The following SMUG1 variants were observed in gnomAD, a reference collection of about 807,000 sequenced individuals.
SMUG1 encodes the protein single-strand-selective monofunctional uracil-DNA glycosylase 1, also known as single-strand selective monofunctional uracil DNA glycosylase.
Under a neutral mutation model 23.9 loss-of-function variants are expected in SMUG1, and 13 were observed. That is an observed-to-expected ratio of 0.54 (90% CI 0.35 to 0.86). The LOEUF (loss-of-function observed/expected upper bound fraction) is 0.86. SMUG1 is among the 40% of genes least tolerant of loss of function. The pLI, the probability that SMUG1 is intolerant of heterozygous loss-of-function variation, is 0.01. For synonymous variants in SMUG1, 133 were observed against 139.8 expected (o/e 0.95, Z 0.34); for missense variants, 313 against 339.5 (o/e 0.92, Z 0.61).
At chr12:54,159,477 C>T (rs1940170137) in intron 4 of SMUG1, among the ~76,000 whole-genome samples, 1 of 152,192 alleles carries the variant, frequency 6.6e-6, no homozygotes. Flanking sequence ...CTTCTCCTCC[C>T]CAGAAATCTC....
chr12:54,188,302 AATAATAATAAT>A (rs1565844884), intron 1 of SMUG1, among the ~76,000 whole-genome samples: 8 of 94,552 alleles, frequency 8.5e-5, no homozygotes, highest in Admixed American at 3.6e-4. Context: ...AATAAATAAT[AATAATAATAAT>A]AATAATAATA....
intron 2 of SMUG1, among the ~76,000 whole-genome samples, chr12:54,186,352 T>G (rs1364697976): frequency 1.1e-4 from 11 of 103,796 alleles, no homozygotes; most frequent in Non-Finnish European, 2.0e-4. Flanking sequence ...TTTGTTTTGT[T>G]TTTTTTTTGA....
At chr12:54,160,915 C>T (rs889124848), downstream of SMUG1, among the ~76,000 whole-genome samples, 2 of 152,164 alleles carry the variant, frequency 1.3e-5, no homozygotes, top group Admixed American at 1.3e-4. Flanking sequence ...AGCGTGGCAC[C>T]GGAGACAAAC....
downstream of SMUG1, among the ~76,000 whole-genome samples, chr12:54,160,537 T>C (rs532946394): frequency 6.6e-6 from 1 of 152,164 alleles, no homozygotes; most frequent in Non-Finnish European, 1.5e-5. Context: ...CCCACTCCCA[T>C]TCTGGGACAG....
At chr12:54,173,947 A>G (rs568957905) in intron 2 of SMUG1, among the ~76,000 whole-genome samples, 31 of 152,242 alleles carry the variant, frequency 2.0e-4, no homozygotes, top group African/African-American at 6.5e-4. Context: ...GTCACACTCA[A>G]TTACACTAGT....
chr12:54,183,358 G>C (rs999031433), intron 3 of SMUG1: 2 of 550,978 alleles, frequency 3.6e-6, no homozygotes, highest in African/African-American at 3.8e-5. Flanking sequence ...ACACTTCAGG[G>C]ACAGGGGAGA....
rs1941123333 is a variant in SMUG1, at chr12:54,181,761, ACT to A, written c.*333_*334del. The A allele has an allele frequency of 6.9e-7, 1 of 1,452,498 alleles. No homozygotes were observed. Among genetic ancestry groups the A allele is most frequent in the African/African-American group, 1.4e-5 (1 of 70,464 alleles). The allele number at this position is 1,452,498 out of a possible 1,614,324, so 90.0% of individuals were successfully genotyped here. A position where few individuals can be genotyped will look rare whatever the true frequency, so the allele number is the denominator to read the frequency against. Reference sequence around the variant, plus strand: ...GACCTTAGAAGTTACTGTCTAGGGCACTCTCAGCTGAATAAAGTCTCCCAAGG... The same window carrying A: ...GACCTTAGAAGTTACTGTCTAGGGCACTCAGCTGAATAAAGTCTCCCAAGG... On this transcript the variant is annotated 3_prime_UTR_variant, in exon 4 of 4. Transcript: ENST00000682136.
chr12:54,188,299 AATAATAATAATAATAAT>A (rs1943004430), intron 1 of SMUG1, among the ~76,000 whole-genome samples: 1 of 60,170 alleles, frequency 1.7e-5, no homozygotes, highest in Admixed American at 1.4e-4. Flanking sequence ...AATAATAAAT[AATAATAATAATAATAAT>A]AATAATAATA....
rs869140620 is a variant in SMUG1, at chr12:54,188,267, AAAT to A, written c.-103-368_-103-366del. 6.1e-3 allele frequency among the ~76,000 whole-genome samples: 679 copies of A among 111,524 alleles called. 4 individuals carry two copies. Among genetic ancestry groups the A allele is most frequent in the African/African-American group, 0.016 (511 of 31,352 alleles). 73.2% of individuals were successfully genotyped at this position (111,524 alleles called of 152,430 possible). On this transcript the variant is annotated intron_variant, in intron 1 of 3. Coordinates refer to ENST00000682136, the MANE Select transcript of SMUG1 (RefSeq NM_001243787.2). ...GGACAATAATAAATATCCTTAAACG[AAAT>A]AATAATAATAATAATAATAATAATA...
At chr12:54,173,789 T>A (rs1940687862) in intron 2 of SMUG1, among the ~76,000 whole-genome samples, 1 of 76,048 alleles carries the variant, frequency 1.3e-5, no homozygotes, top group Non-Finnish European at 2.6e-5. Flanking sequence ...ACAGCTCCCC[T>A]TCGAGTCTGG....
rs1941047820 is a variant in SMUG1 at position 54,181,400 on chromosome 12, C to T, written c.*696G>A. 2 of 689,802 alleles carry T rather than the reference C, an allele frequency of 2.9e-6. No homozygotes were observed. The highest frequency in any genetic ancestry group is 2.4e-6 in the Non-Finnish European group (1 of 410,530). 42.7% of individuals were successfully genotyped at this position (689,802 alleles called of 1,614,324 possible). On this transcript the variant is annotated 3_prime_UTR_variant, in exon 4 of 4. Coordinates refer to ENST00000682136, the MANE Select transcript of SMUG1 (RefSeq NM_001243787.2). ...ATGCCAAGCCCATGCAAGGCACTTT[C>T]AAGTGTGATCTCAGTTAATCCTCAC...
At chr12:54,172,018 C>G in intron 3 of SMUG1, 1 of 452,066 alleles carries the variant, frequency 2.2e-6, no homozygotes, top group Non-Finnish European at 4.5e-6. Flanking sequence ...CCCTCATCCC[C>G]TCTTACCTGA....
intron 2 of SMUG1, among the ~76,000 whole-genome samples, chr12:54,173,933 A>G (rs1179581408): frequency 6.6e-6 from 1 of 152,062 alleles, no homozygotes; most frequent in Non-Finnish European, 1.5e-5. Context: ...AGCAGCAAAA[A>G]TGGGTCACAC....
chr12:54,185,473 A>AAT (rs1565831972), intron 2 of SMUG1, among the ~76,000 whole-genome samples: 4 of 89,990 alleles, frequency 4.4e-5, no homozygotes, highest in African/African-American at 1.5e-4. Flanking sequence ...ATCTCAAAAA[A>AAT]AAATAAAATA....
chr12:54,161,599 C>A (rs1013308307), downstream of SMUG1, among the ~76,000 whole-genome samples: 3 of 152,220 alleles, frequency 2.0e-5, no homozygotes, highest in Non-Finnish European at 4.4e-5. The surrounding 1 kb of genome is among the most constrained non-coding windows in gnomAD (Gnocchi z 4.2). Context: ...ACTGTTCTTC[C>A]ATCTTTGCCT....
At chr12:54,175,645 G>T (rs1940733304), downstream of SMUG1, among the ~76,000 whole-genome samples, 1 of 152,182 alleles carries the variant, frequency 6.6e-6, no homozygotes, top group African/African-American at 2.4e-5. Context: ...TGTGCCCAGA[G>T]CGCTGTGTTT....
intron 2 of SMUG1, among the ~76,000 whole-genome samples, chr12:54,172,590 C>G (rs1940651137): frequency 6.6e-6 from 1 of 152,304 alleles, no homozygotes; most frequent in Admixed American, 6.5e-5. Context: ...GGGGGACGTG[C>G]CCCACTCTAG....
At chr12:54,167,292 C>A (rs922751401) in intron 3 of SMUG1, among the ~76,000 whole-genome samples, 27 of 152,092 alleles carry the variant, frequency 1.8e-4, no homozygotes, top group African/African-American at 6.3e-4. Flanking sequence ...AAAAGAAAAC[C>A]CTGGAGTTAG....
In SMUG1 at chr12:54,182,641, G is replaced by T; in HGVS notation, c.286-18C>A. The T allele has an allele frequency of 6.3e-7, 1 of 1,589,536 alleles. No homozygotes were observed. Among genetic ancestry groups the T allele is most frequent in the Non-Finnish European group, 8.6e-7 (1 of 1,168,170 alleles). ...AAGGGCACCTGTGAGGAAGGAGAGA[G>T]ACATGAAAGGCTTCAAACTGGAGAC... On this transcript the variant is annotated intron_variant, in intron 3 of 3. Transcript: ENST00000682136.
Sources: allele counts gnomAD v4.1 joint callset (sites outside exome capture counted in the v4.1 genomes callset), GRCh38; gene constraint gnomAD v4.1.1; non-coding constraint Gnocchi (gnomAD v3.1); transcripts MANE v1.5; gene names NCBI Gene and HGNC (gene_info 2026-07-23, HGNC 2026-07-21).